Variants in SUCLG2 observed in about 807,000 individuals in gnomAD.
SUCLG2 encodes succinate--CoA ligase [GDP-forming] subunit beta, mitochondrial.
A neutral mutation model predicts 47.9 loss-of-function variants in SUCLG2; 42 were observed. The observed-to-expected ratio is 0.88, with a 90% CI of 0.69 to 1.14. The LOEUF is 1.14. SUCLG2 is among the 50% of genes most tolerant of loss of function. The probability of loss-of-function intolerance (pLI) is 0.00; values close to 1 mark genes in which losing one functional copy is unlikely to be tolerated. For synonymous variants in SUCLG2, 195 were observed against 197.3 expected, an observed-to-expected ratio of 0.99 and a Z score of 0.10; for missense variants, 571 against 525.9, an observed-to-expected ratio of 1.09 and a Z score of -0.84.
intron 9 of SUCLG2, among the ~76,000 whole-genome samples, chr3:67,471,473 A>T (rs1181384947): frequency 6.6e-6 from 1 of 152,168 alleles, no homozygotes; most frequent in Non-Finnish European, 1.5e-5. Context: ...TCTAAATTCA[A>T]GCTCCTTAAC....
chr3:67,386,274 T>A (rs1293875571), intron 10 of SUCLG2, among the ~76,000 whole-genome samples: 2 of 150,842 alleles, frequency 1.3e-5, no homozygotes, highest in African/African-American at 4.9e-5. Context: ...TTTTTTTGTA[T>A]TTTTAGTAGA....
At chr3:67,607,479 G>A (rs529814649) in intron 2 of SUCLG2, among the ~76,000 whole-genome samples, 4 of 151,354 alleles carry the variant, frequency 2.6e-5, no homozygotes, top group Admixed American at 2.0e-4. Context: ...AAATACTGAC[G>A]TGGCTCACAT....
chr3:67,398,031 A>G (rs1702587817), intron 10 of SUCLG2, among the ~76,000 whole-genome samples: 1 of 150,564 alleles, frequency 6.6e-6, no homozygotes, highest in Non-Finnish European at 1.5e-5. Flanking sequence ...AAGATGGATT[A>G]AAGACTTAAA....
At chr3:67,404,813 C>T (rs140889308) in intron 9 of SUCLG2, among the ~76,000 whole-genome samples, 2,329 of 152,222 alleles carry the variant, frequency 0.015, 27 homozygotes, top group African/African-American at 0.023. Context: ...ATGAAAGCCT[C>T]GTGACATCAT....
At chr3:67,541,488 C>T (rs1449271674) in intron 2 of SUCLG2, among the ~76,000 whole-genome samples, 1 of 152,072 alleles carries the variant, frequency 6.6e-6, no homozygotes, top group African/African-American at 2.4e-5. Context: ...AAGCAACAAA[C>T]AAAGCCTCCA....
intron 9 of SUCLG2, among the ~76,000 whole-genome samples, chr3:67,426,953 T>C (rs1703317417): frequency 6.6e-6 from 1 of 152,022 alleles, no homozygotes; most frequent in Non-Finnish European, 1.5e-5. Context: ...AATCCATCCA[T>C]TTGACCAAGC....
intron 7 of SUCLG2, among the ~76,000 whole-genome samples, chr3:67,503,136 A>G (rs913658322): frequency 6.6e-6 from 1 of 152,192 alleles, no homozygotes; most frequent in African/African-American, 2.4e-5. Flanking sequence ...TACAGACTGT[A>G]TGGCCCGCAA....
rs1704611963 is a variant in SUCLG2, at chr3:67,471,784, AC to A, written c.1062+24013del. Among the ~76,000 whole-genome samples, 3 of 152,052 alleles carry A rather than the reference AC, an allele frequency of 2.0e-5. No individual in the cohort carries two copies. In the South Asian group the frequency reaches 6.2e-4, roughly 32 times the overall value. On this transcript the variant is annotated intron_variant, in intron 9 of 10. Transcript: ENST00000307227. ...GCTGGGCTCTGGATCTCTTAACCAA[AC>A]CCAGCAGCTCCACTCACCAAGGCCA...
chr3:67,640,687 A>G (rs1403666666), intron 1 of SUCLG2, among the ~76,000 whole-genome samples: 1 of 152,128 alleles, frequency 6.6e-6, no homozygotes, highest in Non-Finnish European at 1.5e-5. Flanking sequence ...ACTTTTTATC[A>G]TGCTCCTTTT....
rs775519849 is a variant in SUCLG2 at position 67,654,563 on chromosome 3, C to T, written c.24G>A (p.Gln8=). The T allele has an allele frequency of 2.7e-5, 35 of 1,273,614 alleles. No individual in the cohort carries two copies. In the Middle Eastern group the frequency reaches 1.6e-3, roughly 58 times the overall value. 78.9% of individuals were successfully genotyped at this position (1,273,614 alleles called of 1,614,324 possible). The part of the protein sequence containing the change: MASPVAA[Q]AGKLLRALAL... ...CTAGGGCTCGCAGAAGCTTCCCGGC[C>T]TGCGCTGCTACGGGGGACGCCATCT... Residue 8 remains glutamine, a synonymous_variant, in exon 1 of 11, where the codon CAG becomes CAA. Coordinates refer to ENST00000307227, the MANE Select transcript of SUCLG2 (RefSeq NM_003848.4).
At chr3:67,518,214 G>C (rs779676000) in intron 6 of SUCLG2, 33 bp downstream of exon 6, 5 of 1,555,594 alleles carry the variant, frequency 3.2e-6, no homozygotes, top group Non-Finnish European at 4.4e-6. Flanking sequence ...TCTGAAACAA[G>C]TCAGACACAC....
intron 1 of SUCLG2, among the ~76,000 whole-genome samples, chr3:67,624,106 A>G (rs941966122): frequency 6.6e-5 from 10 of 152,224 alleles, no homozygotes; most frequent in Non-Finnish European, 1.3e-4. Context: ...AGGATCTAAT[A>G]GTGCTTAATA....
chr3:67,488,390 G>T (rs1221231287), intron 9 of SUCLG2, among the ~76,000 whole-genome samples: 7 of 152,014 alleles, frequency 4.6e-5, no homozygotes, highest in African/African-American at 1.2e-4. Flanking sequence ...AGGAAAAAAA[G>T]GATTCACAGT....
rs1051143433 is a variant in SUCLG2, at chr3:67,378,602, C to T, written c.1184-2743G>A. ...AGCTCGGCTGACACTGTGATTGCAG[C>T]CTTGTGAGAGACCCTGAGTGAGAGG... On this transcript the variant is annotated intron_variant, in intron 10 of 10. Transcript: ENST00000307227. Among the ~76,000 whole-genome samples the T allele has an allele frequency of 1.4e-4, 21 of 152,162 alleles. 1 individual carries two copies. Among genetic ancestry groups the T allele is most frequent in the Admixed American group, 1.1e-3 (17 of 15,268 alleles).
intron 9 of SUCLG2, among the ~76,000 whole-genome samples, chr3:67,470,511 G>C (rs974161726): frequency 5.9e-5 from 9 of 152,188 alleles, no homozygotes; most frequent in African/African-American, 2.2e-4. Context: ...TAGGTCATGA[G>C]GGCATAGCCA....
At chr3:67,596,883 G>A (rs562422626) in intron 2 of SUCLG2, among the ~76,000 whole-genome samples, 1 of 152,298 alleles carries the variant, frequency 6.6e-6, no homozygotes, top group African/African-American at 2.4e-5. Context: ...AGGGGAGGCA[G>A]TGACAAAAAT....
chr3:67,432,239 T>C (rs1047997003), intron 9 of SUCLG2, among the ~76,000 whole-genome samples: 29 of 152,158 alleles, frequency 1.9e-4, no homozygotes, highest in Admixed American at 5.9e-4. Context: ...GTTTTGCTGG[T>C]TTATTAAACT....
chr3:67,500,364 A>T (rs1486891946), intron 7 of SUCLG2, among the ~76,000 whole-genome samples: 1 of 152,220 alleles, frequency 6.6e-6, no homozygotes, highest in Non-Finnish European at 1.5e-5. Flanking sequence ...TACTTGTTAT[A>T]AGTATATATA....
At chr3:67,602,760 C>A (rs1708446699) in intron 2 of SUCLG2, among the ~76,000 whole-genome samples, 1 of 152,148 alleles carries the variant, frequency 6.6e-6, no homozygotes, top group Non-Finnish European at 1.5e-5. Context: ...TTCTGAATAA[C>A]AATATTTATT....
Sources: gnomAD v4.1 joint callset for allele counts (sites outside exome capture counted in the v4.1 genomes callset) on GRCh38, gnomAD v4.1.1 for gene constraint, MANE v1.5 for transcripts, NCBI Gene and HGNC (gene_info 2026-07-23, HGNC 2026-07-21) for gene names.